SLC6A6: variants seen among roughly 807,000 people sequenced by gnomAD.
SLC6A6 encodes the protein sodium- and chloride-dependent taurine transporter.
Under a neutral mutation model 68.8 loss-of-function variants are expected in SLC6A6, and 16 were observed. The ratio of observed to expected loss-of-function variants is 0.23; its 90% CI spans 0.16 to 0.35. SLC6A6 has a LOEUF of 0.35. Ranked by LOEUF, SLC6A6 falls within the 10% of genes least tolerant of loss-of-function variation. The pLI is 1.00. For missense variants in SLC6A6, 474 were observed against 802.8 expected (o/e 0.59, Z 4.95); for synonymous variants, 312 against 315.4 (o/e 0.99, Z 0.12).
chr3:14,443,108 A>G (rs1365057799), intron 2 of SLC6A6, among the ~76,000 whole-genome samples: 1 of 152,240 alleles, frequency 6.6e-6, no homozygotes, highest in African/African-American at 2.4e-5. Context: ...TTACAGTTAT[A>G]AATGGTCATC....
intron 2 of SLC6A6, among the ~76,000 whole-genome samples, chr3:14,424,763 G>C (rs1287312379): frequency 6.6e-6 from 1 of 152,184 alleles, no homozygotes; most frequent in Non-Finnish European, 1.5e-5. Context: ...GAGAATCACA[G>C]GCACGGCCAC....
chr3:14,460,401 G>A (rs563529009), intron 6 of SLC6A6, among the ~76,000 whole-genome samples: 17 of 152,086 alleles, frequency 1.1e-4, no homozygotes, highest in African/African-American at 4.1e-4. Flanking sequence ...TGAATAGGGT[G>A]GCCAGGCAAG....
intron 2 of SLC6A6, among the ~76,000 whole-genome samples, chr3:14,440,553 C>A (rs1250526121): frequency 6.6e-6 from 1 of 151,904 alleles, no homozygotes; most frequent in Admixed American, 6.6e-5. Flanking sequence ...AAGGGTTGGG[C>A]GGGGGCATGA....
intron 1 of SLC6A6, among the ~76,000 whole-genome samples, chr3:14,413,483 G>A (rs991178868): frequency 2.6e-5 from 4 of 152,234 alleles, no homozygotes; most frequent in Non-Finnish European, 5.9e-5. Flanking sequence ...AGTAGAACAC[G>A]TAGTGACTCT....
rs1021784268 is a variant in SLC6A6 at position 14,485,156 on chromosome 3, G to T, written c.*149G>T. On this transcript the variant is annotated 3_prime_UTR_variant, in exon 15 of 15. Transcript: ENST00000622186. ...AAAATGTAATTGTGGGTATGTGTGCGTGCGTGTGTGTGTGTGTGTGTATCG... is the reference window on the plus strand; with the variant it reads ...AAAATGTAATTGTGGGTATGTGTGCTTGCGTGTGTGTGTGTGTGTGTATCG... The T allele has an allele frequency of 2.0e-5, 11 of 553,118 alleles. No individual in the cohort carries two copies. Among genetic ancestry groups the T allele is most frequent in the Non-Finnish European group, 3.0e-5 (10 of 337,748 alleles). The allele number at this position is 553,118 out of a possible 1,614,324, so 34.3% of individuals were successfully genotyped here.
intron 6 of SLC6A6, among the ~76,000 whole-genome samples, chr3:14,464,853 C>T (rs1700580048): frequency 6.6e-6 from 1 of 152,250 alleles, no homozygotes; most frequent in South Asian, 2.1e-4. Context: ...GCCCAGGGCT[C>T]TGCCAACCAG....
intron 6 of SLC6A6, among the ~76,000 whole-genome samples, chr3:14,463,375 A>G (rs778565951): frequency 6.6e-6 from 1 of 152,226 alleles, no homozygotes; most frequent in Admixed American, 6.5e-5. Context: ...TCCGCACTGC[A>G]TAAGTGCTTG....
intron 11 of SLC6A6, among the ~76,000 whole-genome samples, chr3:14,478,213 G>A (rs550434118): frequency 6.6e-6 from 1 of 152,352 alleles, no homozygotes; most frequent in South Asian, 2.1e-4. Flanking sequence ...TGCACTTGGT[G>A]TGAAGCACCT....
chr3:14,433,134 T>C (rs1005306170), intron 2 of SLC6A6, among the ~76,000 whole-genome samples: 3 of 151,702 alleles, frequency 2.0e-5, no homozygotes, highest in African/African-American at 7.3e-5. Context: ...GGTGACCCAG[T>C]ACCCCTGTGA....
intron 2 of SLC6A6, among the ~76,000 whole-genome samples, chr3:14,433,807 A>G (rs2880212): frequency 0.029 from 2,927 of 101,448 alleles, 48 homozygotes; most frequent in Non-Finnish European, 0.036. Context: ...TGTCTCAAAA[A>G]AAAAAAAAAA....
At position 14,472,396 on chromosome 3, in the gene SLC6A6, G is replaced by C; in HGVS notation, c.1209+79G>C. 1.1e-6 allele frequency: 1 copy of C among 884,232 alleles called. No homozygotes were observed. The highest frequency in any genetic ancestry group is 1.8e-5 in the Admixed American group (1 of 55,952). 54.8% of individuals were successfully genotyped at this position (884,232 alleles called of 1,614,324 possible). Reference sequence around the variant, plus strand: ...GGGAAAGACTCCTTATTCCACCTGGGAGGTGGTCAACCCCCTTCCCCCCTC... The same window carrying C: ...GGGAAAGACTCCTTATTCCACCTGGCAGGTGGTCAACCCCCTTCCCCCCTC... On this transcript the variant is annotated intron_variant, in intron 10 of 14. Transcript: ENST00000622186. The surrounding 1 kb of genome is among the most constrained non-coding windows in gnomAD (Gnocchi z 4.5).
At chr3:14,436,869 A>G (rs548139920) in intron 2 of SLC6A6, among the ~76,000 whole-genome samples, 2 of 152,244 alleles carry the variant, frequency 1.3e-5, no homozygotes, top group South Asian at 2.1e-4. Context: ...CCCCGTCTCC[A>G]TCATGTGGCC....
chr3:14,477,299 T>C lies in SLC6A6; in HGVS notation c.1304T>C (p.Val435Ala). 1.2e-6 allele frequency: 2 copies of C among 1,614,120 alleles called. No homozygotes were observed. Among genetic ancestry groups the C allele is most frequent in the Non-Finnish European group, 1.7e-6 (2 of 1,179,956 alleles). ...GYRREIFIAF[V>A]CSISYLLGLT... ...CGTCGGGAAATCTTCATCGCCTTCGTGTGTAGCATCAGCTACCTGCTGGGG... is the reference window on the plus strand; with the variant it reads ...CGTCGGGAAATCTTCATCGCCTTCGCGTGTAGCATCAGCTACCTGCTGGGG... The change falls in exon 11 of 15, where the codon GTG becomes GCG. Residue 435 changes from valine (V) to alanine (A), a missense_variant. Val to Ala is a moderately conservative substitution (Grantham distance 64, BLOSUM62 0). This residue lies in a region of SLC6A6 where 194 missense variants were observed against 269.8 expected (regional missense o/e 0.72). Transcript: ENST00000622186. This position sits in a 1 kb window ranked among gnomAD's most constrained non-coding sequence, Gnocchi z 4.2.
At chr3:14,440,211 G>A (rs1699950384) in intron 2 of SLC6A6, among the ~76,000 whole-genome samples, 1 of 152,248 alleles carries the variant, frequency 6.6e-6, no homozygotes, top group African/African-American at 2.4e-5. Context: ...CTGAAGACTA[G>A]TGGGGTTGAG....
At chr3:14,408,131 A>T (rs952133972) in intron 1 of SLC6A6, among the ~76,000 whole-genome samples, 1 of 152,126 alleles carries the variant, frequency 6.6e-6, no homozygotes, top group Non-Finnish European at 1.5e-5. Context: ...TTTCTCTAGG[A>T]CTAGAGCTGC....
At chr3:14,433,161 G>T (rs1402556279) in intron 2 of SLC6A6, among the ~76,000 whole-genome samples, 1 of 152,212 alleles carries the variant, frequency 6.6e-6, no homozygotes, top group Admixed American at 6.5e-5. Context: ...TGGGCCAGGT[G>T]TGTAGCAGGT....
chr3:14,467,778 C>A, intron 7 of SLC6A6, 75 bp from the exon 8 acceptor site: 1 of 847,176 alleles, frequency 1.2e-6, no homozygotes, highest in African/African-American at 1.7e-5. Flanking sequence ...GTGGACATAA[C>A]CCTCGCTGCC....
intron 2 of SLC6A6, among the ~76,000 whole-genome samples, chr3:14,420,850 C>A (rs992136688): frequency 3.3e-5 from 5 of 152,200 alleles, no homozygotes; most frequent in Non-Finnish European, 7.3e-5. Flanking sequence ...TGAAAGTGTA[C>A]AATTCAGTCA....
chr3:14,441,063 C>T (rs777823827), intron 2 of SLC6A6, among the ~76,000 whole-genome samples: 2 of 152,134 alleles, frequency 1.3e-5, no homozygotes, highest in Non-Finnish European at 2.9e-5. Context: ...AGTTGCTCCT[C>T]CTCCATGTTT....
Sources: allele counts gnomAD v4.1 joint callset (sites outside exome capture counted in the v4.1 genomes callset), GRCh38; gene constraint gnomAD v4.1.1; regional missense constraint gnomAD v4.1.1; non-coding constraint Gnocchi (gnomAD v3.1); transcripts MANE v1.5; gene names NCBI Gene and HGNC (gene_info 2026-07-23, HGNC 2026-07-21).